The following MRRF variants were observed in gnomAD, a reference collection of about 807,000 sequenced individuals.
The protein encoded by MRRF is mitochondrial ribosome recycling factor, also known as ribosome-recycling factor, mitochondrial.
In MRRF, 18 loss-of-function variants were observed where a neutral mutation model predicts 25.1. That is an observed-to-expected ratio of 0.72 (90% CI 0.50 to 1.06). MRRF has a LOEUF of 1.06. MRRF is among the 50% of genes least tolerant of loss of function. The probability of loss-of-function intolerance (pLI) is 0.00; values close to 1 mark genes in which losing one functional copy is unlikely to be tolerated. For synonymous variants in MRRF, 113 were observed against 112.1 expected (o/e 1.01, Z -0.05); for missense variants, 323 against 319.3 (o/e 1.01, Z -0.09).
chr9:122,290,101 A>T (rs1348555575), intron 4 of MRRF, among the ~76,000 whole-genome samples: 1 of 152,118 alleles, frequency 6.6e-6, no homozygotes, highest in African/African-American at 2.4e-5. Context: ...CAAATCCTTA[A>T]TGTTATAATT....
At chr9:122,304,116 A>G (rs1236001229) in intron 5 of MRRF, among the ~76,000 whole-genome samples, 1 of 149,656 alleles carries the variant, frequency 6.7e-6, no homozygotes, top group Non-Finnish European at 1.5e-5. Context: ...AGGGATATTG[A>G]AAGAAAAAAA....
chr9:122,274,533 G>GGTGTGTGTGTGTGTGT lies in MRRF; in HGVS notation c.184+3485_184+3500dup, dbSNP rs765131163. On this transcript the variant is annotated intron_variant, in intron 2 of 6. Coordinates refer to ENST00000344641, the MANE Select transcript of MRRF (RefSeq NM_138777.5). The stretch of plus-strand genomic sequence containing the variant: ...CTTGCCTGTAAAGTAATATGAATCT[G>GGTGTGTGTGTGTGTGT]GTGTGTGTGTGTGTGTGTGTGTGTG... 2.3e-3 allele frequency among the ~76,000 whole-genome samples: 321 copies of GGTGTGTGTGTGTGTGT among 140,632 alleles called. 1 individual carries two copies. The highest frequency in any genetic ancestry group is 5.6e-3 in the African/African-American group (209 of 37,278). The allele number at this position is 140,632 out of a possible 152,430, so 92.3% of individuals were successfully genotyped here. A position where few individuals can be genotyped will look rare whatever the true frequency, so the allele number is the denominator to read the frequency against.
At chr9:122,272,405 C>A (rs1381890831) in intron 2 of MRRF, among the ~76,000 whole-genome samples, 2 of 152,094 alleles carry the variant, frequency 1.3e-5, no homozygotes, top group Non-Finnish European at 2.9e-5. Flanking sequence ...GTGGCTCACA[C>A]CTGTAATCCC....
intron 5 of MRRF, among the ~76,000 whole-genome samples, chr9:122,292,683 A>G (rs1833850804): frequency 6.6e-6 from 1 of 152,068 alleles, no homozygotes; most frequent in Non-Finnish European, 1.5e-5. Context: ...CAGTGGAAGG[A>G]TTTAAGCAGG....
chr9:122,321,989 A>G (rs1835917412), intron 6 of MRRF, among the ~76,000 whole-genome samples: 1 of 152,158 alleles, frequency 6.6e-6, no homozygotes, highest in South Asian at 2.1e-4. Flanking sequence ...AGCGATCTAA[A>G]TGCCTCAGTT....
At chr9:122,304,938 C>A (rs914270108) in intron 5 of MRRF, among the ~76,000 whole-genome samples, 3 of 151,922 alleles carry the variant, frequency 2.0e-5, no homozygotes, top group Admixed American at 1.3e-4. Flanking sequence ...TCTGAACCCC[C>A]ACTTCCCACT....
At chr9:122,306,957 G>T (rs552336728) in intron 5 of MRRF, among the ~76,000 whole-genome samples, 6 of 152,274 alleles carry the variant, frequency 3.9e-5, no homozygotes, top group African/African-American at 1.4e-4. Flanking sequence ...ATTACTACTG[G>T]TATTAGAAGT....
Position 122,325,424 on chromosome 9 carries a change from C to A in MRRF, c.*2807C>A, listed in dbSNP as rs1836104362. Reference sequence around the variant, plus strand: ...GTGACAGGGACAAGAATGAGACTACCTGTTTGGATGTGCTGAGAATGAGTA... The same window carrying A: ...GTGACAGGGACAAGAATGAGACTACATGTTTGGATGTGCTGAGAATGAGTA... On this transcript the variant is annotated 3_prime_UTR_variant, in exon 7 of 7. Transcript: ENST00000344641. 1 of 152,202 alleles carries A rather than the reference C, an allele frequency of 6.6e-6. No homozygotes were observed. Among genetic ancestry groups the A allele is most frequent in the African/African-American group, 2.4e-5 (1 of 41,444 alleles). 9.4% of individuals were successfully genotyped at this position (152,202 alleles called of 1,614,324 possible).
chr9:122,274,814 T>C (rs1052887535), intron 2 of MRRF, among the ~76,000 whole-genome samples: 14 of 152,104 alleles, frequency 9.2e-5, no homozygotes, highest in African/African-American at 2.9e-4. Flanking sequence ...TTTTCTTAAT[T>C]GTTCTTGACA....
intron 5 of MRRF, among the ~76,000 whole-genome samples, chr9:122,293,335 A>G (rs1833891275): frequency 6.6e-6 from 1 of 152,138 alleles, no homozygotes; most frequent in East Asian, 1.9e-4. Flanking sequence ...GTTTTTTCCT[A>G]GTTGTGGAAA....
At chr9:122,270,572 ATATTTGCT>A (rs563332118) in intron 1 of MRRF, among the ~76,000 whole-genome samples, 150 of 152,310 alleles carry the variant, frequency 9.8e-4, no homozygotes, top group African/African-American at 3.4e-3. Flanking sequence ...AGTCTGCTGC[ATATTTGCT>A]TAATGGGCAT....
chr9:122,319,647 T>A (rs535839270), intron 6 of MRRF, among the ~76,000 whole-genome samples: 1 of 152,168 alleles, frequency 6.6e-6, no homozygotes, highest in Non-Finnish European at 1.5e-5. Context: ...GAGATAATAG[T>A]CTTTCATATG....
chr9:122,322,976 TA>T lies in MRRF; in HGVS notation c.*363del. On this transcript the variant is annotated 3_prime_UTR_variant, in exon 7 of 7. Transcript: ENST00000344641. The stretch of plus-strand genomic sequence containing the variant: ...AAATAATTAGGCTCTGTTCCCATTT[TA>T]AAACTCTGATATTGGCCTTCACCTG... 1 of 328,150 alleles carries T rather than the reference TA, an allele frequency of 3.0e-6. No individual in the cohort carries two copies. The allele number at this position is 328,150 out of a possible 1,614,324, so 20.3% of individuals were successfully genotyped here.
At chr9:122,271,138 G>A in intron 2 of MRRF, 63 bp downstream of exon 2, 2 of 1,383,550 alleles carry the variant, frequency 1.4e-6, no homozygotes, top group Non-Finnish European at 1.0e-6. Flanking sequence ...TTGAATTATA[G>A]CTGGCAGGTA....
intron 5 of MRRF, among the ~76,000 whole-genome samples, chr9:122,310,216 G>A (rs145128964): frequency 3.5e-4 from 54 of 152,336 alleles, no homozygotes; most frequent in African/African-American, 1.2e-3. Context: ...CTTGTAAGTG[G>A]CAGGCCCAGA....
chr9:122,291,915 A>G (rs1388020097), intron 5 of MRRF, 75 bp downstream of exon 5: 3 of 997,392 alleles, frequency 3.0e-6, no homozygotes, highest in Non-Finnish European at 1.6e-6. Context: ...CAAATACCCT[A>G]CTATACCGTT....
At chr9:122,276,782 T>G (rs1250186186) in intron 2 of MRRF, among the ~76,000 whole-genome samples, 1 of 152,232 alleles carries the variant, frequency 6.6e-6, no homozygotes. Flanking sequence ...ATTGATCAAC[T>G]TTTCTGTTTT....
At position 122,291,758 on chromosome 9, in the gene MRRF, G is replaced by A. The variant is rs1329828937; in HGVS notation, c.469G>A (p.Ala157Thr). 2 of 1,611,790 alleles carry A rather than the reference G, an allele frequency of 1.2e-6. No homozygotes were observed. Among genetic ancestry groups the A allele is most frequent in the Non-Finnish European group, 1.7e-6 (2 of 1,177,836 alleles). ...NMASFPECTA[A>T]AIKAIRESGM... Reference sequence around the variant, plus strand: ...TTGATCTGGTTTTCAGTGTACAGCTGCAGCTATCAAGGCTATAAGAGAAAG... The same window carrying A: ...TTGATCTGGTTTTCAGTGTACAGCTACAGCTATCAAGGCTATAAGAGAAAG... Residue 157 changes from alanine to threonine, a missense_variant, in exon 5 of 7, where the codon GCA becomes ACA. Transcript: ENST00000344641.
chr9:122,272,290 G>A lies in MRRF; in HGVS notation c.184+1215G>A, dbSNP rs143294630. ...GCCTACAGTACTGCAGTCTTCTAGT[G>A]TAATAGACAGTTACAGTGCATAAGC... On this transcript the variant is annotated intron_variant, in intron 2 of 6. Coordinates refer to ENST00000344641, the MANE Select transcript of MRRF (RefSeq NM_138777.5). Among the ~76,000 whole-genome samples the A allele has an allele frequency of 5.4e-3, 827 of 152,246 alleles. 4 individuals carry two copies. Among genetic ancestry groups the A allele is most frequent in the Non-Finnish European group, 6.2e-3 (422 of 68,014 alleles).
Sources: allele counts gnomAD v4.1 joint callset (sites outside exome capture counted in the v4.1 genomes callset), GRCh38; gene constraint gnomAD v4.1.1; transcripts MANE v1.5; gene names NCBI Gene and HGNC (gene_info 2026-07-23, HGNC 2026-07-21).